MYOCOS: variants seen among roughly 807,000 people sequenced by gnomAD.
MYOCOS encodes myocilin opposite strand protein.
At chr1:171,617,846 G>A (rs577407337), upstream of MYOCOS, among the ~76,000 whole-genome samples, 10 of 152,266 alleles carry the variant, frequency 6.6e-5, no homozygotes, top group East Asian at 9.7e-4. Flanking sequence ...CGAAGACCTC[G>A]AGTAGATGAG....
At chr1:171,613,546 A>AT (rs35731495) in intron 1 of MYOCOS, among the ~76,000 whole-genome samples, 24,375 of 148,252 alleles carry the variant, frequency 0.16, 1,986 homozygotes, top group Middle Eastern at 0.31. Context: ...TCTGTGATGC[A>AT]TTTTTTTTTT....
intron 1 of MYOCOS, among the ~76,000 whole-genome samples, chr1:171,614,613 G>C (rs1652415923): frequency 6.6e-6 from 1 of 152,230 alleles, no homozygotes; most frequent in African/African-American, 2.4e-5. Context: ...GCAATGCCTG[G>C]AGAGGCACTC....
At chr1:171,621,496 C>T (rs1204084087), upstream of MYOCOS, among the ~76,000 whole-genome samples, 4 of 151,694 alleles carry the variant, frequency 2.6e-5, no homozygotes, top group Non-Finnish European at 4.4e-5. Context: ...CTGCCTCAGC[C>T]TCCTGAGTAG....
At chr1:171,603,537 A>G (rs1558078129) in intron 1 of MYOCOS, among the ~76,000 whole-genome samples, 1 of 152,278 alleles carries the variant, frequency 6.6e-6, no homozygotes, top group Non-Finnish European at 1.5e-5. Flanking sequence ...ACAGGATTTA[A>G]GTCAATATTT....
intron 2 of MYOCOS, among the ~76,000 whole-genome samples, chr1:171,615,317 T>C (rs1167222182): frequency 6.6e-6 from 1 of 152,186 alleles, no homozygotes; most frequent in Non-Finnish European, 1.5e-5. Flanking sequence ...ATTCTAAGTA[T>C]AACTGAAGAG....
chr1:171,613,573 G>C (rs1289792176), intron 1 of MYOCOS, among the ~76,000 whole-genome samples: 1 of 151,946 alleles, frequency 6.6e-6, no homozygotes, highest in African/African-American at 2.4e-5. Context: ...GGCAAGACAG[G>C]GTCTTGCTCT....
intron 2 of MYOCOS, 79 bp downstream of exon 2, chr1:171,624,057 T>C: frequency 2.5e-6 from 1 of 398,506 alleles, no homozygotes; most frequent in South Asian, 1.3e-4. Context: ...TGCCTGAAAC[T>C]GTAGCTGGCA....
chr1:171,610,675 T>G (rs570318795), intron 1 of MYOCOS, among the ~76,000 whole-genome samples: 1 of 152,328 alleles, frequency 6.6e-6, no homozygotes, highest in African/African-American at 2.4e-5. Context: ...CTTAATCACC[T>G]CTTAAAGTCC....
intron 1 of MYOCOS, among the ~76,000 whole-genome samples, chr1:171,614,433 C>G (rs1652411283): frequency 2.6e-5 from 4 of 152,146 alleles, no homozygotes. Flanking sequence ...CTCAGCTGAC[C>G]CTACTGGCAC....
At chr1:171,601,462 T>C (rs1175986760) in intron 1 of MYOCOS, among the ~76,000 whole-genome samples, 1 of 150,630 alleles carries the variant, frequency 6.6e-6, no homozygotes, top group Non-Finnish European at 1.5e-5. Flanking sequence ...GTGTGTGTAG[T>C]GTGAGCGTGG....
intron 1 of MYOCOS, among the ~76,000 whole-genome samples, chr1:171,606,602 A>G (rs1652247180): frequency 1.3e-5 from 2 of 152,220 alleles, no homozygotes; most frequent in African/African-American, 4.8e-5. Flanking sequence ...CATTCTGACT[A>G]CCAGTGCACG....
At chr1:171,621,634 T>C (rs7528500), upstream of MYOCOS, among the ~76,000 whole-genome samples, 3 of 151,920 alleles carry the variant, frequency 2.0e-5, no homozygotes, top group Admixed American at 6.6e-5. Flanking sequence ...CTCGGCCTCC[T>C]AAAGTGTTGG....
intron 1 of MYOCOS, among the ~76,000 whole-genome samples, chr1:171,622,844 G>A (rs1041741927): frequency 6.6e-6 from 1 of 152,184 alleles, no homozygotes; most frequent in Non-Finnish European, 1.5e-5. Flanking sequence ...CTCCTGAAAA[G>A]CTACCTAATT....
intron 2 of MYOCOS, among the ~76,000 whole-genome samples, chr1:171,617,212 G>C (rs1652466017): frequency 1.3e-5 from 2 of 152,088 alleles, no homozygotes; most frequent in Admixed American, 1.3e-4. Flanking sequence ...CCTGCCTATA[G>C]CCTCCCAAGT....
At chr1:171,612,303 T>C (rs1217649985) in intron 1 of MYOCOS, among the ~76,000 whole-genome samples, 3 of 151,328 alleles carry the variant, frequency 2.0e-5, no homozygotes, top group Non-Finnish European at 4.4e-5. Context: ...GGTCTCGAAC[T>C]CCTGACCTCA....
chr1:171,600,886 G>T (rs1032633146), exon 1 of MYOCOS: 8 of 152,224 alleles, frequency 5.3e-5, no homozygotes, highest in Non-Finnish European at 1.5e-5. Context: ...CTACAACTTG[G>T]TGTCTGAGAG....
At chr1:171,608,414 T>C (rs1652294127) in intron 1 of MYOCOS, among the ~76,000 whole-genome samples, 1 of 128,492 alleles carries the variant, frequency 7.8e-6, no homozygotes, top group African/African-American at 3.1e-5. Flanking sequence ...CAGACTTTTT[T>C]TTTTTTTTTT....
chr1:171,613,895 A>G (rs150975069), intron 1 of MYOCOS, among the ~76,000 whole-genome samples: 1 of 152,248 alleles, frequency 6.6e-6, no homozygotes, highest in East Asian at 1.9e-4. Context: ...GCCTCTTTAT[A>G]TGCTGCCAAA....
At chr1:171,612,549 G>C (rs1290002906) in intron 1 of MYOCOS, among the ~76,000 whole-genome samples, 1 of 151,992 alleles carries the variant, frequency 6.6e-6, no homozygotes, top group Non-Finnish European at 1.5e-5. Context: ...TGTGTGTCCA[G>C]GCATGGTGGC....
Sources: allele counts gnomAD v4.1 joint callset (sites outside exome capture counted in the v4.1 genomes callset), GRCh38; gene constraint gnomAD v4.1.1; transcripts MANE v1.5; gene names NCBI Gene and HGNC (gene_info 2026-07-23, HGNC 2026-07-21).